RBBP4: variants seen among roughly 807,000 people sequenced by gnomAD.
RBBP4 encodes RB binding protein 4, chromatin remodeling factor.
Under a neutral mutation model 57.2 loss-of-function variants are expected in RBBP4, and 3 were observed. The ratio of observed to expected loss-of-function variants is 0.05; its 90% CI spans 0.02 to 0.14. The LOEUF is 0.14. Ranked by LOEUF, RBBP4 falls within the 10% of genes least tolerant of loss-of-function variation. The pLI is 1.00. For synonymous variants in RBBP4, 151 were observed against 171.5 expected (o/e 0.88, Z 0.93); for missense variants, 107 against 520.6 (o/e 0.21, Z 7.73).
Position 32,668,775 on chromosome 1 carries a change from G to A in RBBP4, c.521G>A (p.Arg174His), listed in dbSNP as rs766359758. The change falls in exon 5 of 12, where the codon CGT becomes CAT. Residue 174 changes from arginine (R) to histidine (H), a missense_variant. Physicochemically the swap from Arg to His is conservative, Grantham distance 29. This residue lies in a region of RBBP4 where 92 missense variants were observed against 408.5 expected (regional missense o/e 0.23). Transcript: ENST00000373493. The part of the protein sequence containing the change: ...SGECNPDLRL[R>H]GHQKEGYGLS... ...GAGTGCAACCCAGACTTGCGTCTCC[G>A]TGGACATCAGAAGGAAGGCTATGGG... The A allele has an allele frequency of 1.2e-6, 2 of 1,613,588 alleles. No individual in the cohort carries two copies. The highest frequency in any genetic ancestry group is 1.7e-6 in the Non-Finnish European group (2 of 1,180,012).
chr1:32,677,446 G>A (rs1419256076), intron 11 of RBBP4, among the ~76,000 whole-genome samples: 1 of 149,110 alleles, frequency 6.7e-6, no homozygotes, highest in African/African-American at 2.5e-5. Flanking sequence ...TCTTCCATGT[G>A]GTTCCTCAGT....
Position 32,669,476 on chromosome 1 carries a change from T to G in RBBP4, c.889-10T>G. The G allele has an allele frequency of 1.9e-6, 3 of 1,580,994 alleles. No individual in the cohort carries two copies. The highest frequency in any genetic ancestry group is 2.6e-6 in the Non-Finnish European group (3 of 1,171,074). On this transcript the variant is annotated splice_polypyrimidine_tract_variant and intron_variant, in intron 7 of 11. Coordinates refer to ENST00000373493, the MANE Select transcript of RBBP4 (RefSeq NM_005610.3). This position sits in a 1 kb window ranked among gnomAD's most constrained non-coding sequence, Gnocchi z 4.9. Reference sequence around the variant, plus strand: ...AAATTGATTACTCTTGCTTTTCTTTTTGTACATAGACTGTTGCCTTGTGGG... The same window carrying G: ...AAATTGATTACTCTTGCTTTTCTTTGTGTACATAGACTGTTGCCTTGTGGG...
intron 2 of RBBP4, among the ~76,000 whole-genome samples, chr1:32,656,193 A>AC (rs1553194008): frequency 1.4e-4 from 22 of 151,836 alleles, no homozygotes; most frequent in African/African-American, 5.3e-4. Flanking sequence ...TCTTTTATTT[A>AC]TTTTTTTCTT....
chr1:32,669,503 T>C lies in RBBP4; in HGVS notation c.906T>C (p.Asp302=). ...GTACATAGACTGTTGCCTTGTGGGA[T>C]CTGAGAAATCTGAAACTTAAGTTGC... ...GSADKTVALW[D]LRNLKLKLHS... Residue 302 remains aspartate, a synonymous_variant, in exon 8 of 12, where the codon GAT becomes GAC. Transcript: ENST00000373493. This position sits in a 1 kb window ranked among gnomAD's most constrained non-coding sequence, Gnocchi z 4.9. 1.2e-6 allele frequency: 2 copies of C among 1,607,768 alleles called. No homozygotes were observed. Among genetic ancestry groups the C allele is most frequent in the Non-Finnish European group, 1.7e-6 (2 of 1,178,542 alleles).
chr1:32,684,504 TATTTA>T lies in RBBP4; in HGVS notation c.*4800_*4804del, dbSNP rs1325627957. 4.5e-5 allele frequency: 62 copies of T among 1,389,160 alleles called. No individual in the cohort carries two copies. Among genetic ancestry groups the T allele is most frequent in the Non-Finnish European group, 6.0e-5 (61 of 1,022,090 alleles). 86.1% of individuals were successfully genotyped at this position (1,389,160 alleles called of 1,614,324 possible). A position where few individuals can be genotyped will look rare whatever the true frequency, so the allele number is the denominator to read the frequency against. On this transcript the variant is annotated 3_prime_UTR_variant, in exon 12 of 12. Coordinates refer to ENST00000373493, the MANE Select transcript of RBBP4 (RefSeq NM_005610.3). ...ATCTTGATAGCAGTATTGAGGCTGG[TATTTA>T]TATGATAGGTTATGAAACAGGTTCA...
intron 3 of RBBP4, among the ~76,000 whole-genome samples, chr1:32,664,978 AAAT>A (rs946204769): frequency 2.1e-4 from 32 of 152,306 alleles, no homozygotes; most frequent in African/African-American, 7.0e-4. Context: ...TTGCTAAAAA[AAAT>A]AATAATAATA....
chr1:32,661,615 T>G (rs953512748), intron 3 of RBBP4, among the ~76,000 whole-genome samples: 43 of 151,896 alleles, frequency 2.8e-4, no homozygotes, highest in African/African-American at 9.9e-4. Flanking sequence ...ATTTGAGAAA[T>G]CTCCACAGAC....
chr1:32,675,288 G>A (rs968780938), intron 11 of RBBP4, among the ~76,000 whole-genome samples: 5 of 151,406 alleles, frequency 3.3e-5, no homozygotes, highest in Non-Finnish European at 7.4e-5. Context: ...TGCCTGCCTC[G>A]GCCTCCCAAA....
At chr1:32,667,106 A>C (rs993517690) in intron 3 of RBBP4, among the ~76,000 whole-genome samples, 24 of 152,138 alleles carry the variant, frequency 1.6e-4, no homozygotes, top group Admixed American at 1.3e-4. Flanking sequence ...CTGCTCCACC[A>C]ACCAGCTTCT....
At chr1:32,655,380 C>T (rs766339979) in intron 2 of RBBP4, among the ~76,000 whole-genome samples, 1 of 149,454 alleles carries the variant, frequency 6.7e-6, no homozygotes, top group Non-Finnish European at 1.5e-5. Flanking sequence ...AGATCCGTTT[C>T]CCCCCTTTAA....
chr1:32,663,425 A>G (rs777622624), intron 3 of RBBP4, among the ~76,000 whole-genome samples: 2 of 151,992 alleles, frequency 1.3e-5, no homozygotes, highest in Non-Finnish European at 2.9e-5. Context: ...CTATTTATTT[A>G]TTTTGTATTA....
intron 3 of RBBP4, among the ~76,000 whole-genome samples, chr1:32,665,899 C>T (rs539094620): frequency 1.2e-4 from 19 of 152,198 alleles, no homozygotes; most frequent in African/African-American, 4.1e-4. Context: ...ACCATGCTGC[C>T]TTCTATTATT....
intron 4 of RBBP4, 121 bp from the exon 5 acceptor site, chr1:32,668,618 C>T (rs1451270995): frequency 1.6e-5 from 14 of 862,368 alleles, no homozygotes; most frequent in South Asian, 8.5e-5. Context: ...TTGATCATAA[C>T]GGTTCCTATA....
intron 3 of RBBP4, among the ~76,000 whole-genome samples, chr1:32,659,716 A>G (rs181319941): frequency 7.7e-4 from 118 of 152,342 alleles, no homozygotes; most frequent in African/African-American, 2.7e-3. Flanking sequence ...AGAATATGCA[A>G]TATAGGTTCA....
Position 32,679,645 on chromosome 1 carries a change from G to A in RBBP4, c.1218G>A (p.Glu406=). Residue 406 remains glutamate, a synonymous_variant, in exon 12 of 12, where the codon GAG becomes GAA. Coordinates refer to ENST00000373493, the MANE Select transcript of RBBP4 (RefSeq NM_005610.3). ...TTTTTCTTGTTTTTGGGCAGGCAGA[G>A]AACATTTATAATGATGAAGACCCTG... is the stretch of plus-strand genomic sequence containing the variant. ...DNIMQVWQMA[E]NIYNDEDPEG... The A allele has an allele frequency of 6.3e-7, 1 of 1,577,490 alleles. No individual in the cohort carries two copies. Among genetic ancestry groups the A allele is most frequent in the South Asian group, 1.2e-5 (1 of 84,738 alleles).
intron 3 of RBBP4, among the ~76,000 whole-genome samples, chr1:32,666,711 G>A (rs2148524886): frequency 6.6e-6 from 1 of 152,252 alleles, no homozygotes; most frequent in African/African-American, 2.4e-5. Context: ...TTACCCAGGT[G>A]CCGAGGCAAG....
chr1:32,658,445 T>A (rs1333942711), intron 3 of RBBP4, among the ~76,000 whole-genome samples: 1 of 151,896 alleles, frequency 6.6e-6, no homozygotes, highest in Non-Finnish European at 1.5e-5. Context: ...ACCATGGCAC[T>A]CTCTATGTGT....
chr1:32,669,578 T>C lies in RBBP4; in HGVS notation c.966+15T>C. ...AAATATTCCAGGTAAGAGAAACTAA[T>C]GCTACTATTTTGTTTGTTTTAAGAA... On this transcript the variant is annotated intron_variant, in intron 8 of 11. Coordinates refer to ENST00000373493, the MANE Select transcript of RBBP4 (RefSeq NM_005610.3). The surrounding 1 kb of genome is among the most constrained non-coding windows in gnomAD (Gnocchi z 4.9). 6.3e-7 allele frequency: 1 copy of C among 1,586,648 alleles called. No individual in the cohort carries two copies. Among genetic ancestry groups the C allele is most frequent in the Non-Finnish European group, 8.5e-7 (1 of 1,172,014 alleles).
Position 32,682,088 on chromosome 1 carries a change from A to G in RBBP4, c.*2383A>G, listed in dbSNP as rs897295616. 2 of 519,588 alleles carry G rather than the reference A, an allele frequency of 3.8e-6. No individual in the cohort carries two copies. Among genetic ancestry groups the G allele is most frequent in the Non-Finnish European group, 6.8e-6 (2 of 292,116 alleles). The allele number at this position is 519,588 out of a possible 1,614,324, so 32.2% of individuals were successfully genotyped here. ...AGGTTAACTTCTTACAGGTATAATT[A>G]CAATGCCTGAAATTCTGTAGTTTCA... On this transcript the variant is annotated 3_prime_UTR_variant, in exon 12 of 12. Coordinates refer to ENST00000373493, the MANE Select transcript of RBBP4 (RefSeq NM_005610.3).
Sources: allele counts gnomAD v4.1 joint callset (sites outside exome capture counted in the v4.1 genomes callset), GRCh38; gene constraint gnomAD v4.1.1; regional missense constraint gnomAD v4.1.1; non-coding constraint Gnocchi (gnomAD v3.1); transcripts MANE v1.5; gene names NCBI Gene and HGNC (gene_info 2026-07-23, HGNC 2026-07-21).